The following FBLN5 variants were observed in gnomAD, a reference collection of about 807,000 sequenced individuals.
FBLN5 encodes the protein fibulin-5.
A neutral mutation model predicts 61.6 loss-of-function variants in FBLN5; 24 were observed. That is an observed-to-expected ratio of 0.39 (90% CI 0.28 to 0.55). The LOEUF is 0.55. Among genes scored for constraint, FBLN5 ranks in the 20% least tolerant of loss-of-function variants. The pLI, the probability that FBLN5 is intolerant of heterozygous loss-of-function variation, is 0.65. For synonymous variants in FBLN5, 213 were observed against 219.8 expected (o/e 0.97, Z 0.27); for missense variants, 470 against 594.1 (o/e 0.79, Z 2.17).
intron 4 of FBLN5, among the ~76,000 whole-genome samples, chr14:91,900,045 T>C (rs1890390351): frequency 6.6e-6 from 1 of 152,200 alleles, no homozygotes; most frequent in Admixed American, 6.5e-5. Context: ...CCAGTGGTGA[T>C]TGGCACTCCT....
At chr14:91,940,719 C>T (rs1450838257) in intron 2 of FBLN5, 103 bp from the exon 3 acceptor site, 6 of 915,852 alleles carry the variant, frequency 6.6e-6, no homozygotes, top group South Asian at 1.4e-5. Context: ...AAAAGAAAGG[C>T]CTCCAAAATA....
chr14:91,922,849 A>G (rs1194506514), intron 4 of FBLN5, among the ~76,000 whole-genome samples: 3 of 152,110 alleles, frequency 2.0e-5, no homozygotes, highest in African/African-American at 7.2e-5. Context: ...GTGAGAGCCA[A>G]TTTCATCCAT....
Position 91,943,530 on chromosome 14 carries a change from T to G in FBLN5, c.18-569A>C, listed in dbSNP as rs368024329. On this transcript the variant is annotated intron_variant, in intron 1 of 10. Transcript: ENST00000342058. This position sits in a 1 kb window ranked among gnomAD's most constrained non-coding sequence, Gnocchi z 4.0. ...TCCTCCCCCCACCCCCCAAAAAAGC[T>G]AAAACCTCCCACTATGGTATTAACC... Among the ~76,000 whole-genome samples the G allele has an allele frequency of 7.5e-4, 114 of 151,334 alleles. 4 individuals are homozygous for G. The highest frequency in any genetic ancestry group is 2.5e-3 in the African/African-American group (101 of 41,222).
Position 91,869,907 on chromosome 14 carries a change from G to A in FBLN5, c.*317C>T, listed in dbSNP as rs995481485. 13 of 373,158 alleles carry A rather than the reference G, an allele frequency of 3.5e-5. No individual in the cohort carries two copies. Among genetic ancestry groups the A allele is most frequent in the Middle Eastern group, 9.1e-4 (1 of 1,104 alleles). 23.1% of individuals were successfully genotyped at this position (373,158 alleles called of 1,614,324 possible). On this transcript the variant is annotated 3_prime_UTR_variant, in exon 11 of 11. Transcript: ENST00000342058. The stretch of plus-strand genomic sequence containing the variant: ...TCTTTGAACATAGACTCAGACCCCC[G>A]CAAACCTAATCTATTTTCTTTGAAA...
At chr14:91,894,846 A>G in intron 5 of FBLN5, 104 bp downstream of exon 5, 1 of 914,310 alleles carries the variant, frequency 1.1e-6, no homozygotes, top group Non-Finnish European at 1.6e-6. Context: ...CCTAGCAAAG[A>G]AAAGCTTACT....
rs1332320406 is a variant in FBLN5, at chr14:91,869,839, A to G, written c.*385T>C. ...TTGCAAAGCAGTAACACAGTGAGAGAAGGAGTGGAAGAGGTGAAGAAGTGA... is the reference window on the plus strand; with the variant it reads ...TTGCAAAGCAGTAACACAGTGAGAGGAGGAGTGGAAGAGGTGAAGAAGTGA... On this transcript the variant is annotated 3_prime_UTR_variant, in exon 11 of 11. Coordinates refer to ENST00000342058, the MANE Select transcript of FBLN5 (RefSeq NM_006329.4). 6.2e-6 allele frequency: 2 copies of G among 324,008 alleles called. 1 individual carries two copies. The allele number at this position is 324,008 out of a possible 1,614,324, so 20.1% of individuals were successfully genotyped here.
At position 91,947,224 on chromosome 14, in the gene FBLN5, T is replaced by C; in HGVS notation, c.6A>G (p.Pro2=). Reference sequence around the variant, plus strand: ...CGCCGAGAACCCACCTTTTTATTCCTGGCATGTCCAAGACGCGCGAGGAGG... The same window carrying C: ...CGCCGAGAACCCACCTTTTTATTCCCGGCATGTCCAAGACGCGCGAGGAGG... M[P]GIKRILTVTI... The change falls in exon 1 of 11, where the codon CCA becomes CCG. Residue 2 remains proline, a synonymous_variant. Coordinates refer to ENST00000342058, the MANE Select transcript of FBLN5 (RefSeq NM_006329.4). This position sits in a 1 kb window ranked among gnomAD's most constrained non-coding sequence, Gnocchi z 4.3. 3 of 1,614,174 alleles carry C rather than the reference T, an allele frequency of 1.9e-6. No homozygotes were observed. Among genetic ancestry groups the C allele is most frequent in the Middle Eastern group, 3.3e-4 (2 of 6,060 alleles).
In FBLN5 at chr14:91,943,075, G is replaced by T. The variant is rs911038253; in HGVS notation, c.18-114C>A. The T allele has an allele frequency of 7.9e-6, 6 of 755,080 alleles. No individual in the cohort carries two copies. Among genetic ancestry groups the T allele is most frequent in the Non-Finnish European group, 1.2e-5 (5 of 422,928 alleles). 46.8% of individuals were successfully genotyped at this position (755,080 alleles called of 1,614,324 possible). ...GTGATATCACCTTGGGCTTGTATGG[G>T]GTGGGGTGTGCTCCAGGGAGGTCAT... On this transcript the variant is annotated intron_variant, in intron 1 of 10. Coordinates refer to ENST00000342058, the MANE Select transcript of FBLN5 (RefSeq NM_006329.4). This position sits in a 1 kb window ranked among gnomAD's most constrained non-coding sequence, Gnocchi z 4.0.
Position 91,947,241 on chromosome 14 carries a change from G to A in FBLN5, c.-12C>T, listed in dbSNP as rs764484240. ...TTTATTCCTGGCATGTCCAAGACGCGCGAGGAGGAGATGCGAAGGCGAGAA... is the reference window on the plus strand; with the variant it reads ...TTTATTCCTGGCATGTCCAAGACGCACGAGGAGGAGATGCGAAGGCGAGAA... On this transcript the variant is annotated 5_prime_UTR_variant, in exon 1 of 11. Coordinates refer to ENST00000342058, the MANE Select transcript of FBLN5 (RefSeq NM_006329.4). This position sits in a 1 kb window ranked among gnomAD's most constrained non-coding sequence, Gnocchi z 4.3. 10 of 1,614,150 alleles carry A rather than the reference G, an allele frequency of 6.2e-6. No homozygotes were observed. Among genetic ancestry groups the A allele is most frequent in the Non-Finnish European group, 8.5e-6 (10 of 1,180,028 alleles).
chr14:91,876,333 A>C (rs533337595), intron 10 of FBLN5, among the ~76,000 whole-genome samples: 1 of 152,296 alleles, frequency 6.6e-6, no homozygotes, highest in South Asian at 2.1e-4. Context: ...CCTTTTCAAT[A>C]TGGCTCCCCA....
chr14:91,932,912 C>T (rs1371129026), intron 4 of FBLN5, among the ~76,000 whole-genome samples: 1 of 152,258 alleles, frequency 6.6e-6, no homozygotes, highest in African/African-American at 2.4e-5. Context: ...AACAAACCAA[C>T]AGACAACAGG....
chr14:91,941,841 G>A (rs74071640), intron 2 of FBLN5, among the ~76,000 whole-genome samples: 2,034 of 152,220 alleles, frequency 0.013, 30 homozygotes, highest in African/African-American at 0.039. Flanking sequence ...TCTATATAAC[G>A]TGCCTAAAGT....
chr14:91,888,627 CAT>C (rs987651934), intron 6 of FBLN5, among the ~76,000 whole-genome samples: 31 of 144,202 alleles, frequency 2.1e-4, no homozygotes, highest in African/African-American at 3.6e-4. Flanking sequence ...AAAAAAAATA[CAT>C]ATATATATAT....
At chr14:91,881,119 C>T (rs1334156426) in intron 9 of FBLN5, among the ~76,000 whole-genome samples, 173 bp downstream of exon 9, 2 of 14,782 alleles carry the variant, frequency 1.4e-4, no homozygotes, top group Non-Finnish European at 3.7e-4. Flanking sequence ...CTGTTCTATT[C>T]TACACACACA....
intron 4 of FBLN5, among the ~76,000 whole-genome samples, chr14:91,916,396 G>A (rs547615809): frequency 6.6e-6 from 1 of 152,278 alleles, no homozygotes; most frequent in South Asian, 2.1e-4. Context: ...GCCGTGAGAG[G>A]AGATCGCACC....
rs966171077 is a variant in FBLN5 at position 91,870,184 on chromosome 14, G to A, written c.*40C>T. On this transcript the variant is annotated 3_prime_UTR_variant, in exon 11 of 11. Transcript: ENST00000342058. ...ATTTCCTCTCTTCTCCTGTCCCTTG[G>A]TGCCAATGAGAGGCAGCGTCGGAGG... is the stretch of plus-strand genomic sequence containing the variant. The A allele has an allele frequency of 9.4e-6, 15 of 1,590,516 alleles. No homozygotes were observed. The highest frequency in any genetic ancestry group is 4.5e-5 in the East Asian group (2 of 44,788).
chr14:91,913,243 TCCATTTC>T (rs1891035714), intron 4 of FBLN5, among the ~76,000 whole-genome samples: 3 of 152,188 alleles, frequency 2.0e-5, no homozygotes, highest in African/African-American at 7.2e-5. Flanking sequence ...TAGCTTTATG[TCCATTTC>T]CCCATTTTTA....
intron 10 of FBLN5, among the ~76,000 whole-genome samples, chr14:91,872,785 A>G (rs558200109): frequency 6.6e-6 from 1 of 152,314 alleles, no homozygotes; most frequent in South Asian, 2.1e-4. Flanking sequence ...GCCCTGGGCC[A>G]GGGCTTCAGA....
At chr14:91,916,037 A>G (rs1278955172) in intron 4 of FBLN5, among the ~76,000 whole-genome samples, 1 of 152,256 alleles carries the variant, frequency 6.6e-6, no homozygotes, top group African/African-American at 2.4e-5. Context: ...TATTGTAAAC[A>G]AATCATACTA....
Sources: gnomAD v4.1 joint callset for allele counts (sites outside exome capture counted in the v4.1 genomes callset) on GRCh38, gnomAD v4.1.1 for gene constraint, Gnocchi (gnomAD v3.1) non-coding constraint, MANE v1.5 for transcripts, NCBI Gene and HGNC (gene_info 2026-07-23, HGNC 2026-07-21) for gene names.